Variants in UNC5D observed in about 807,000 individuals in gnomAD.
UNC5D encodes unc-5 netrin receptor D, also known as netrin receptor UNC5D.
In UNC5D, 39 loss-of-function variants were observed where a neutral mutation model predicts 105.4. That is an observed-to-expected ratio of 0.37 (90% CI 0.29 to 0.48). UNC5D has a LOEUF of 0.48. Among genes scored for constraint, UNC5D ranks in the 20% least tolerant of loss-of-function variants. The pLI, the probability that UNC5D is intolerant of heterozygous loss-of-function variation, is 0.98. For missense variants in UNC5D, 991 were observed against 1,202.4 expected, an observed-to-expected ratio of 0.82 and a Z score of 2.60; for synonymous variants, 452 against 450.4, an observed-to-expected ratio of 1.00 and a Z score of -0.04.
At chr8:35,457,670 C>T (rs10106941) in intron 1 of UNC5D, among the ~76,000 whole-genome samples, 19,819 of 152,038 alleles carry the variant, frequency 0.13, 1,755 homozygotes, top group African/African-American at 0.25. Flanking sequence ...TGCCCTAATG[C>T]CCCAAATCTA....
At chr8:35,756,948 T>C (rs1321865465) in intron 13 of UNC5D, among the ~76,000 whole-genome samples, 1 of 152,004 alleles carries the variant, frequency 6.6e-6, no homozygotes, top group South Asian at 2.1e-4. Context: ...CTTAGAAGAG[T>C]TGCTGTTATA....
chr8:35,597,650 T>C (rs1819572171), intron 4 of UNC5D, among the ~76,000 whole-genome samples: 1 of 152,182 alleles, frequency 6.6e-6, no homozygotes, highest in Non-Finnish European at 1.5e-5. Flanking sequence ...GCTAATGTTT[T>C]GATTAGCCAT....
intron 11 of UNC5D, among the ~76,000 whole-genome samples, chr8:35,739,040 G>C (rs1038904924): frequency 6.6e-6 from 1 of 152,150 alleles, no homozygotes; most frequent in Non-Finnish European, 1.5e-5. Flanking sequence ...ATGCCTCCCA[G>C]GTAACAAAGG....
chr8:35,603,789 A>G (rs1820064658), intron 4 of UNC5D, among the ~76,000 whole-genome samples: 1 of 152,076 alleles, frequency 6.6e-6, no homozygotes, highest in South Asian at 2.1e-4. Context: ...TCCCTTTACT[A>G]TTATGTAATG....
intron 10 of UNC5D, among the ~76,000 whole-genome samples, chr8:35,729,582 T>C (rs1485957526): frequency 6.6e-6 from 1 of 152,190 alleles, no homozygotes; most frequent in South Asian, 2.1e-4. Context: ...GAAGACAGAA[T>C]GTCGAGGGCA....
chr8:35,500,607 T>C (rs1281718046), intron 1 of UNC5D, among the ~76,000 whole-genome samples: 1 of 152,224 alleles, frequency 6.6e-6, no homozygotes, highest in Non-Finnish European at 1.5e-5. Context: ...CAACACTGTC[T>C]GTAAACCATA....
In UNC5D at chr8:35,597,956, C is replaced by T. The variant is rs143547187; in HGVS notation, c.570+2299C>T. Among the ~76,000 whole-genome samples the T allele has an allele frequency of 5.2e-4, 79 of 152,162 alleles. 1 individual carries two copies. The highest frequency in any genetic ancestry group is 1.4e-3 in the African/African-American group (59 of 41,516). On this transcript the variant is annotated intron_variant, in intron 4 of 16. Transcript: ENST00000404895. ...TTTTATTTGACTGTGCACTTGACTGCGCTACAGTCACCCTGGCCCCTTCAA... is the reference window on the plus strand; with the variant it reads ...TTTTATTTGACTGTGCACTTGACTGTGCTACAGTCACCCTGGCCCCTTCAA...
intron 1 of UNC5D, among the ~76,000 whole-genome samples, chr8:35,516,592 AT>A (rs1441060070): frequency 2.0e-5 from 3 of 152,208 alleles, no homozygotes; most frequent in Non-Finnish European, 4.4e-5. Flanking sequence ...AAGACGTAGA[AT>A]GAAAAAACTG....
chr8:35,731,250 A>G (rs1462005941), intron 11 of UNC5D, among the ~76,000 whole-genome samples, 154 bp downstream of exon 11: 2 of 151,964 alleles, frequency 1.3e-5, no homozygotes, highest in Admixed American at 1.3e-4. Flanking sequence ...AATACAAAAA[A>G]ATTAGCCAGG....
At chr8:35,736,478 C>G (rs528329078) in intron 11 of UNC5D, among the ~76,000 whole-genome samples, 60 of 152,280 alleles carry the variant, frequency 3.9e-4, no homozygotes, top group African/African-American at 1.4e-3. Flanking sequence ...TCAAGGGACC[C>G]TGCTACTATG....
intron 1 of UNC5D, among the ~76,000 whole-genome samples, chr8:35,449,012 G>A (rs1255158141): frequency 6.6e-6 from 1 of 152,080 alleles, no homozygotes; most frequent in Non-Finnish European, 1.5e-5. Context: ...TGTGCTTATT[G>A]TTTTGGCAGA....
intron 8 of UNC5D, among the ~76,000 whole-genome samples, chr8:35,710,484 G>T (rs1827869376): frequency 6.6e-6 from 1 of 152,114 alleles, no homozygotes; most frequent in Non-Finnish European, 1.5e-5. Flanking sequence ...AAATGGAGAG[G>T]TTCAGTAGAC....
chr8:35,755,148 G>T (rs7821825), intron 13 of UNC5D, among the ~76,000 whole-genome samples: 11,444 of 152,100 alleles, frequency 0.075, 1,175 homozygotes, highest in African/African-American at 0.24. Context: ...TTTGGTTATT[G>T]TCTTTTATTA....
At chr8:35,594,802 C>T (rs1819385537) in intron 3 of UNC5D, among the ~76,000 whole-genome samples, 1 of 152,102 alleles carries the variant, frequency 6.6e-6, no homozygotes, top group African/African-American at 2.4e-5. Context: ...TGCATTGTTC[C>T]CCATCACTGG....
intron 1 of UNC5D, among the ~76,000 whole-genome samples, chr8:35,535,302 T>C (rs1332343987): frequency 6.6e-6 from 1 of 152,110 alleles, no homozygotes; most frequent in Non-Finnish European, 1.5e-5. Flanking sequence ...CTTACTCTAT[T>C]ACAGTGCTCT....
chr8:35,293,101 C>T (rs1303174257), intron 1 of UNC5D, among the ~76,000 whole-genome samples: 1 of 152,090 alleles, frequency 6.6e-6, no homozygotes, highest in Non-Finnish European at 1.5e-5. Flanking sequence ...TCATAAAAGT[C>T]TTCATCCTTG....
rs181825392 is a variant in UNC5D at position 35,734,806 on chromosome 8, G to A, written c.1766+3710G>A. ...AATTTTTTTTTTTTTTTTTTGAGAC[G>A]GAGTCTCGCTCTGTTGCTCAGGTTG... is the stretch of plus-strand genomic sequence containing the variant. On this transcript the variant is annotated intron_variant, in intron 11 of 16. Coordinates refer to ENST00000404895, the MANE Select transcript of UNC5D (RefSeq NM_080872.4). Among the ~76,000 whole-genome samples, 244 of 120,658 alleles carry A rather than the reference G, an allele frequency of 2.0e-3. 1 individual carries two copies. The highest frequency in any genetic ancestry group is 0.013 in the African/African-American group (237 of 18,266). 79.2% of individuals were successfully genotyped at this position (120,658 alleles called of 152,430 possible). A position where few individuals can be genotyped will look rare whatever the true frequency, so the allele number is the denominator to read the frequency against.
At chr8:35,386,538 T>A (rs1328976196) in intron 1 of UNC5D, among the ~76,000 whole-genome samples, 3 of 152,298 alleles carry the variant, frequency 2.0e-5, no homozygotes, top group Non-Finnish European at 2.9e-5. Context: ...AAAAAAAACG[T>A]CTAGCTTGTA....
At chr8:35,423,516 G>T (rs1324891321) in intron 1 of UNC5D, among the ~76,000 whole-genome samples, 2 of 152,138 alleles carry the variant, frequency 1.3e-5, no homozygotes, top group African/African-American at 4.8e-5. Flanking sequence ...ATTTTTCTCA[G>T]TTGATTTGTA....
Sources: allele counts gnomAD v4.1 joint callset (sites outside exome capture counted in the v4.1 genomes callset), GRCh38; gene constraint gnomAD v4.1.1; transcripts MANE v1.5; gene names NCBI Gene and HGNC (gene_info 2026-07-23, HGNC 2026-07-21).